Variants in MCM3 observed in about 807,000 individuals in gnomAD.
The protein encoded by MCM3 is minichromosome maintenance complex component 3, also known as DNA replication licensing factor MCM3.
A neutral mutation model predicts 91.3 loss-of-function variants in MCM3; 59 were observed. The observed-to-expected ratio is 0.65, with a 90% confidence interval of 0.52 to 0.80. The LOEUF (loss-of-function observed/expected upper bound fraction) is 0.80, where lower values mean the gene tolerates loss of function less well. MCM3 is among the 30% of genes least tolerant of loss of function. The probability of loss-of-function intolerance (pLI) is 0.00; values close to 1 mark genes in which losing one functional copy is unlikely to be tolerated. For missense variants in MCM3, 919 were observed against 1,035.4 expected (o/e 0.89, Z 1.54); for synonymous variants, 383 against 379.6 (o/e 1.01, Z -0.10).
chr6:52,269,300 G>A (rs1428209640), intron 12 of MCM3, 74 bp from the exon 13 acceptor site: 2 of 1,471,000 alleles, frequency 1.4e-6, no homozygotes, highest in Non-Finnish European at 1.8e-6. Flanking sequence ...CACAGAAAGG[G>A]AAATGACACT....
rs751859720 is a variant in MCM3, at chr6:52,283,335, A to G, written c.150T>C (p.Asn50=). The G allele has an allele frequency of 6.8e-6, 11 of 1,614,012 alleles. No homozygotes were observed. In the South Asian group the frequency reaches 1.2e-4, roughly 18 times the overall value. Reference sequence around the variant, plus strand: ...CGTTTTTCCTGCGCAGGTCATTCACATTGACAATCAGCCGGTATTGGTTGT... The same window carrying G: ...CGTTTTTCCTGCGCAGGTCATTCACGTTGACAATCAGCCGGTATTGGTTGT... ...ISDNQYRLIV[N]VNDLRRKNEK... is the part of the protein sequence containing the mutation. Residue 50 remains asparagine, a synonymous_variant, in exon 2 of 17, where the codon AAT becomes AAC. Transcript: ENST00000596288.
At chr6:52,283,263 C>A (rs1766303276) in intron 2 of MCM3, 31 bp downstream of exon 2, 1 of 1,573,488 alleles carries the variant, frequency 6.4e-7, no homozygotes, top group African/African-American at 1.3e-5. Context: ...GCCATTCTCA[C>A]TGACAGCCAG....
chr6:52,283,497 CA>C lies in MCM3; in HGVS notation c.79-92del, dbSNP rs1344730768. Reference sequence around the variant, plus strand: ...AGTTCTCATAGCCAGATAGCTAAGTCAATCTCTGCAGCAGAGCTGAATCCCC... The same window carrying C: ...AGTTCTCATAGCCAGATAGCTAAGTCATCTCTGCAGCAGAGCTGAATCCCC... On this transcript the variant is annotated intron_variant, in intron 1 of 16. Coordinates refer to ENST00000596288, the MANE Select transcript of MCM3 (RefSeq NM_002388.6). 4.6e-6 allele frequency: 4 copies of C among 864,162 alleles called. No individual in the cohort carries two copies. In the Admixed American group the frequency reaches 5.3e-5, roughly 11 times the overall value. 53.5% of individuals were successfully genotyped at this position (864,162 alleles called of 1,614,324 possible).
At chr6:52,276,796 T>A (rs1012474651) in intron 8 of MCM3, among the ~76,000 whole-genome samples, 1 of 152,226 alleles carries the variant, frequency 6.6e-6, no homozygotes, top group Non-Finnish European at 1.5e-5. Context: ...GGTCTCCAAA[T>A]CCCTTCCTCT....
At chr6:52,277,026 G>C (rs931119786) in intron 8 of MCM3, 41 bp downstream of exon 8, 2 of 1,592,840 alleles carry the variant, frequency 1.3e-6, no homozygotes, top group African/African-American at 1.3e-5. Context: ...CTATGCTCAG[G>C]CTCTCTGCTG....
At chr6:52,275,208 G>A (rs1240838394) in intron 9 of MCM3, among the ~76,000 whole-genome samples, 1 of 152,188 alleles carries the variant, frequency 6.6e-6, no homozygotes, top group Non-Finnish European at 1.5e-5. Flanking sequence ...CCATGCAACT[G>A]TATGTATAAA....
intron 14 of MCM3, among the ~76,000 whole-genome samples, chr6:52,267,037 G>T (rs1236076974): frequency 6.6e-6 from 1 of 151,158 alleles, no homozygotes. Context: ...TTCTTCAGTA[G>T]AGGGGTCAAA....
intron 12 of MCM3, among the ~76,000 whole-genome samples, chr6:52,271,953 C>T (rs1765172770): frequency 6.6e-6 from 1 of 152,128 alleles, no homozygotes; most frequent in African/African-American, 2.4e-5. Flanking sequence ...TACCTTTGTG[C>T]TTCCCCCGCT....
At position 52,282,864 on chromosome 6, in the gene MCM3, GTA is replaced by G; in HGVS notation, c.192-5_192-4del. The G allele has an allele frequency of 6.2e-7, 1 of 1,612,626 alleles. No individual in the cohort carries two copies. ...CCTCAAAGGCATTGTTCAGAAGCCTGTACATAAGCAAGAGAAAGAAAAATTAG... is the reference window on the plus strand; with the variant it reads ...CCTCAAAGGCATTGTTCAGAAGCCTGCATAAGCAAGAGAAAGAAAAATTAG... On this transcript the variant is annotated splice_polypyrimidine_tract_variant and splice_region_variant and intron_variant, in intron 2 of 16. Transcript: ENST00000596288.
At position 52,273,538 on chromosome 6, in the gene MCM3, G is replaced by C. The variant is rs548167069; in HGVS notation, c.1550-182C>G. Among the ~76,000 whole-genome samples the C allele has an allele frequency of 2.0e-5, 3 of 152,264 alleles. No individual in the cohort carries two copies. In the South Asian group the frequency reaches 6.2e-4, roughly 32 times the overall value. The stretch of plus-strand genomic sequence containing the variant: ...CTGCCTGGCTCACACAAGATGCTCA[G>C]TTATTCCCAGACCCAGAAATGGACA... On this transcript the variant is annotated intron_variant, in intron 10 of 16. Coordinates refer to ENST00000596288, the MANE Select transcript of MCM3 (RefSeq NM_002388.6).
chr6:52,266,383 T>C (rs1253803811), intron 15 of MCM3, among the ~76,000 whole-genome samples: 3 of 152,192 alleles, frequency 2.0e-5, no homozygotes, highest in East Asian at 1.9e-4. Flanking sequence ...GAAATGCTTA[T>C]ACCAGGTGAA....
chr6:52,273,181 A>T (rs1765272327), intron 11 of MCM3, 49 bp downstream of exon 11: 2 of 1,612,102 alleles, frequency 1.2e-6, no homozygotes, highest in Non-Finnish European at 1.7e-6. Flanking sequence ...ATGCTCTAAT[A>T]TAACACATAT....
At chr6:52,269,005 T>TCCAATCC (rs1764870211) in intron 13 of MCM3, 81 bp downstream of exon 13, 2 of 1,448,922 alleles carry the variant, frequency 1.4e-6, no homozygotes, top group African/African-American at 2.8e-5. Flanking sequence ...AATGTAGCCG[T>TCCAATCC]CAGCCACGGA....
chr6:52,267,815 C>T (rs1764765830), intron 14 of MCM3, 50 bp downstream of exon 14: 1 of 766,826 alleles, frequency 1.3e-6, no homozygotes, highest in Non-Finnish European at 2.3e-6. Context: ...CGTGCACCCC[C>T]AACTTCTTGG....
intron 1 of MCM3, among the ~76,000 whole-genome samples, chr6:52,284,298 T>C (rs1766443373): frequency 6.6e-6 from 1 of 152,214 alleles, no homozygotes. Context: ...AGCAGTGAAA[T>C]GCAAAAGGCC....
intron 16 of MCM3, among the ~76,000 whole-genome samples, 193 bp from the exon 17 acceptor site, chr6:52,264,979 G>A (rs1764528852): frequency 6.6e-6 from 1 of 152,206 alleles, no homozygotes; most frequent in Non-Finnish European, 1.5e-5. Context: ...TATTGTACTA[G>A]CGTGTGGGAA....
At position 52,284,726 on chromosome 6, in the gene MCM3, T is replaced by A. The variant is rs1581758660; in HGVS notation, c.-52A>T. 1.3e-6 allele frequency: 2 copies of A among 1,571,592 alleles called. No individual in the cohort carries two copies. Among genetic ancestry groups the A allele is most frequent in the East Asian group, 4.7e-5 (2 of 42,894 alleles). ...CAAAGTCGCGTGGAGGTTCCCAGGA[T>A]GACTCCACCCCGGCGCGAAAACTTC... On this transcript the variant is annotated 5_prime_UTR_variant, in exon 1 of 17. Coordinates refer to ENST00000596288, the MANE Select transcript of MCM3 (RefSeq NM_002388.6).
At chr6:52,266,819 T>TTTGCAAACTGCTTTTTTTA in intron 14 of MCM3, 123 bp from the exon 15 acceptor site, 1 of 776,068 alleles carries the variant, frequency 1.3e-6, no homozygotes, top group East Asian at 2.5e-5. Context: ...AGTGAAGCAC[T>TTTGCAAACTGCTTTTTTTA]AGGCTTAGGC....
In MCM3 at chr6:52,282,086, T is replaced by C; in HGVS notation, c.490A>G (p.Thr164Ala). Residue 164 changes from threonine to alanine, a missense_variant, in exon 4 of 17, where the codon ACC (threonine) becomes GCC (alanine). By Grantham distance (58) the Thr-to-Ala change is moderately conservative. This residue lies in a region of MCM3 where 401 missense variants were observed against 402.7 expected (regional missense o/e 1.00). Coordinates refer to ENST00000596288, the MANE Select transcript of MCM3 (RefSeq NM_002388.6). ...GAGCTGGAGGGAAAGGCCACCAGGG[T>C]GGTGAGATCAGAATAACGTCGCTCT... The part of the protein sequence containing the change: ...TIERRYSDLT[T>A]LVAFPSSSVY... 1 of 1,613,894 alleles carries C rather than the reference T, an allele frequency of 6.2e-7. No individual in the cohort carries two copies. The highest frequency in any genetic ancestry group is 8.5e-7 in the Non-Finnish European group (1 of 1,179,906).
Sources: allele counts gnomAD v4.1 joint callset (sites outside exome capture counted in the v4.1 genomes callset), GRCh38; gene constraint gnomAD v4.1.1; regional missense constraint gnomAD v4.1.1; transcripts MANE v1.5; gene names NCBI Gene and HGNC (gene_info 2026-07-23, HGNC 2026-07-21).